MYH3: variants seen among roughly 807,000 people sequenced by gnomAD.
MYH3 encodes myosin-3.
A neutral mutation model predicts 238.0 loss-of-function variants in MYH3; 130 were observed. The observed-to-expected ratio is 0.55, with a 90% CI of 0.47 to 0.63. The LOEUF (loss-of-function observed/expected upper bound fraction) is 0.63, where lower values mean the gene tolerates loss of function less well. Among genes scored for constraint, MYH3 ranks in the 30% least tolerant of loss-of-function variants. The pLI, the probability that MYH3 is intolerant of heterozygous loss-of-function variation, is 0.00. For missense variants in MYH3, 1,853 were observed against 2,374.9 expected (o/e 0.78, Z 4.57); for synonymous variants, 880 against 924.1 (o/e 0.95, Z 0.86).
chr17:10,638,811 G>A (rs1042489540), intron 26 of MYH3, 62 bp downstream of exon 26: 6 of 1,528,880 alleles, frequency 3.9e-6, no homozygotes, highest in Non-Finnish European at 5.4e-6. Flanking sequence ...GCTTATAGCA[G>A]ACAGCACCCA....
At chr17:10,668,076 T>TA in the MYH3 span, among the ~76,000 whole-genome samples, 1 of 152,180 alleles carries the variant, frequency 6.6e-6, no homozygotes, top group Non-Finnish European at 1.5e-5. Context: ...TGTACATTCT[T>TA]AGTGAGATAT....
In MYH3 at chr17:10,654,194, T is replaced by C. The variant is rs530698786; in HGVS notation, c.204+667A>G. Among the ~76,000 whole-genome samples, 1 of 150,690 alleles carries C rather than the reference T, an allele frequency of 6.6e-6. No individual in the cohort carries two copies. Among genetic ancestry groups the C allele is most frequent in the East Asian group, 1.9e-4 (1 of 5,178 alleles). Reference sequence around the variant, plus strand: ...CCTTCCTTGCTTTCTTTCTTCCTTCTTTCTTTCCTTCCTTCCTTCCCTCCA... The same window carrying C: ...CCTTCCTTGCTTTCTTTCTTCCTTCCTTCTTTCCTTCCTTCCTTCCCTCCA... On this transcript the variant is annotated intron_variant, in intron 3 of 40. Coordinates refer to ENST00000583535, the MANE Select transcript of MYH3 (RefSeq NM_002470.4). This position sits in a 1 kb window ranked among gnomAD's most constrained non-coding sequence, Gnocchi z 4.5.
upstream of MYH3, among the ~76,000 whole-genome samples, chr17:10,657,778 C>T (rs1373153611): frequency 6.6e-6 from 1 of 152,186 alleles, no homozygotes; most frequent in Non-Finnish European, 1.5e-5. Flanking sequence ...GATTTTATCA[C>T]AACCTTGGGT....
At chr17:10,649,001 A>C (rs940851529) in intron 7 of MYH3, among the ~76,000 whole-genome samples, 8 of 152,072 alleles carry the variant, frequency 5.3e-5, no homozygotes, top group Admixed American at 5.2e-4. Context: ...TAAGCCACAG[A>C]ATGACAGTAA....
rs199619639 is a variant in MYH3, at chr17:10,629,585, T to C, written c.5796+12A>G. 312 of 1,612,632 alleles carry C rather than the reference T, an allele frequency of 1.9e-4. 3 individuals carry two copies. In the Middle Eastern group the frequency reaches 2.1e-3, roughly 11 times the overall value. On this transcript the variant is annotated intron_variant, in intron 40 of 40. Transcript: ENST00000583535. ...TCCCTGGGGGGGGGCTCCTCCCAGCTCAGCGACTCACCCTGCTGGAGGTGA... is the reference window on the plus strand; with the variant it reads ...TCCCTGGGGGGGGGCTCCTCCCAGCCCAGCGACTCACCCTGCTGGAGGTGA...
chr17:10,649,809 A>C, intron 6 of MYH3, 124 bp from the exon 7 acceptor site: 1 of 867,402 alleles, frequency 1.2e-6, no homozygotes, highest in Non-Finnish European at 1.9e-6. Context: ...CACCACACTA[A>C]TGTGACAGAC....
Position 10,644,421 on chromosome 17 carries a change from T to C in MYH3, c.1340A>G (p.Gln447Arg). The change falls in exon 14 of 41, where the codon CAA becomes CGA. Residue 447 changes from glutamine to arginine, a missense_variant. Coordinates refer to ENST00000583535, the MANE Select transcript of MYH3 (RefSeq NM_002470.4). ...FLWMVTRINQQLDTKLPRQHF... is the reference protein window; with the variant it reads ...FLWMVTRINQRLDTKLPRQHF... ...TTGTCTTGGAAGCTTCGTATCCAGT[T>C]GCTGGTTAATGCGAGTGACCATCCA... 1 of 1,614,044 alleles carries C rather than the reference T, an allele frequency of 6.2e-7. No individual in the cohort carries two copies. Among genetic ancestry groups the C allele is most frequent in the Non-Finnish European group, 8.5e-7 (1 of 1,179,876 alleles).
Position 10,654,947 on chromosome 17 carries a change from C to G in MYH3, c.118G>C (p.Val40Leu). The G allele has an allele frequency of 6.2e-7, 1 of 1,614,180 alleles. No individual in the cohort carries two copies. Reference protein sequence around the residue: ...QPFDAKTYCFVVDSKEEYAKG... With the variant: ...QPFDAKTYCFLVDSKEEYAKG... ...GCATATTCTTCCTTTGAGTCCACCA[C>G]GAAGCAATACGTCTTGGCATCAAAG... Residue 40 changes from valine to leucine, a missense_variant, in exon 3 of 41, where the codon GTG becomes CTG. This residue lies in a region of MYH3 where 131 missense variants were observed against 123.5 expected (regional missense o/e 1.06). Coordinates refer to ENST00000583535, the MANE Select transcript of MYH3 (RefSeq NM_002470.4). The surrounding 1 kb of genome is among the most constrained non-coding windows in gnomAD (Gnocchi z 4.5).
intron 8 of MYH3, 142 bp from the exon 9 acceptor site, chr17:10,647,568 C>A: frequency 2.2e-6 from 2 of 895,792 alleles, no homozygotes; most frequent in Non-Finnish European, 3.5e-6. Flanking sequence ...GTTTTTGAGA[C>A]GGAGTCTCGC....
At chr17:10,672,929 A>ATT in the MYH3 span, 1 of 152,192 alleles carries the variant, frequency 6.6e-6, no homozygotes, top group South Asian at 2.1e-4. Flanking sequence ...AACACTCAAA[A>ATT]GAGAGTTGAA....
At chr17:10,636,335 T>G (rs1025311458) in intron 28 of MYH3, among the ~76,000 whole-genome samples, 1 of 142,510 alleles carries the variant, frequency 7.0e-6, no homozygotes, top group Non-Finnish European at 1.5e-5. Context: ...TACTGGAAGG[T>G]GGGACTGATG....
In MYH3 at chr17:10,642,586, C is replaced by T; in HGVS notation, c.1719G>A (p.Arg573=). The T allele has an allele frequency of 1.9e-6, 3 of 1,614,170 alleles. No homozygotes were observed. Among genetic ancestry groups the T allele is most frequent in the Non-Finnish European group, 2.5e-6 (3 of 1,180,036 alleles). ...GGATCAGTGAGAAGTGAGCCTCGGC[C>T]CTGCCTTTGACCACCTTGGGCTTCT... ...NFQKPKVVKG[R]AEAHFSLIHY... Residue 573 remains arginine (R), a synonymous_variant, in exon 16 of 41, where the codon AGG becomes AGA. Transcript: ENST00000583535. The surrounding 1 kb of genome is among the most constrained non-coding windows in gnomAD (Gnocchi z 5.4).
At chr17:10,639,222 A>T (rs2074246025) in intron 24 of MYH3, 33 bp from the exon 25 acceptor site, 1 of 1,614,196 alleles carries the variant, frequency 6.2e-7, no homozygotes, top group Non-Finnish European at 8.5e-7. Flanking sequence ...TTGGGAACAA[A>T]TGCTTTGCAA....
Position 10,631,842 on chromosome 17 carries a change from T to C in MYH3, c.5131A>G (p.Asn1711Asp), listed in dbSNP as rs755803936. ...GTATGCAGCAGCTGCACCCTCTCGTTGGAGTCCAGGAGCTCCTGTTCCGCC... is the reference window on the plus strand; with the variant it reads ...GTATGCAGCAGCTGCACCCTCTCGTCGGAGTCCAGGAGCTCCTGTTCCGCC... Reference protein sequence around the residue: ...KLAEQELLDSNERVQLLHTQN... With the variant: ...KLAEQELLDSDERVQLLHTQN... The change falls in exon 35 of 41, where the codon AAC (asparagine) becomes GAC (aspartate). Residue 1711 changes from asparagine to aspartate, a missense_variant. Physicochemically the swap from Asn to Asp is conservative, Grantham distance 23 (BLOSUM62 1). Around this residue, in one of 3 missense-constraint regions of MYH3, gnomAD observed 1,044 missense variants for 1,192.6 expected, o/e 0.88. Coordinates refer to ENST00000583535, the MANE Select transcript of MYH3 (RefSeq NM_002470.4). The C allele has an allele frequency of 6.2e-7, 1 of 1,614,162 alleles. No homozygotes were observed. Among genetic ancestry groups the C allele is most frequent in the Non-Finnish European group, 8.5e-7 (1 of 1,180,020 alleles).
At chr17:10,665,358 G>A in the MYH3 span, among the ~76,000 whole-genome samples, 3 of 152,086 alleles carry the variant, frequency 2.0e-5, no homozygotes, top group African/African-American at 4.8e-5. Context: ...GGTCAGGCTG[G>A]TCTTGAACTC....
chr17:10,656,997 G>A (rs964715080), intron 1 of MYH3, among the ~76,000 whole-genome samples: 1 of 152,154 alleles, frequency 6.6e-6, no homozygotes, highest in Admixed American at 6.5e-5. Context: ...CATCCAAAAG[G>A]ATCCTGCCCA....
At position 10,641,141 on chromosome 17, in the gene MYH3, G is replaced by C; in HGVS notation, c.2109C>G (p.Ile703Met). ...TTGGGAACCCTTTCCTGCAGATGCG[G>C]ATGCCCTCCAGGACACCGTTACACC... The part of the protein sequence containing the change: ...QLRCNGVLEG[I>M]RICRKGFPNR... The change falls in exon 19 of 41, where the codon ATC becomes ATG. Residue 703 changes from isoleucine to methionine, a missense_variant. This residue lies in a region of MYH3 where 678 missense variants were observed against 1,058.9 expected (regional missense o/e 0.64). Coordinates refer to ENST00000583535, the MANE Select transcript of MYH3 (RefSeq NM_002470.4). 1 of 1,613,930 alleles carries C rather than the reference G, an allele frequency of 6.2e-7. No homozygotes were observed. Among genetic ancestry groups the C allele is most frequent in the Non-Finnish European group, 8.5e-7 (1 of 1,180,026 alleles).
At position 10,628,663 on chromosome 17, in the gene MYH3, C is replaced by G. The variant is rs2074117554; in HGVS notation, c.5813G>C (p.Ser1938Thr). 3 of 1,614,198 alleles carry G rather than the reference C, an allele frequency of 1.9e-6. No homozygotes were observed. The highest frequency in any genetic ancestry group is 2.5e-6 in the Non-Finnish European group (3 of 1,180,028). ...TCCAGAAGGGCTGGCTCACTCTTCA[C>G]TCTCGTGGACCACCATCTAGGAAGA... ...FTSSRMVVHE[S>T]EE The change falls in exon 41 of 41, where the codon AGT becomes ACT. Residue 1938 changes from serine to threonine, a missense_variant. This residue lies in a region of MYH3 where 1,044 missense variants were observed against 1,192.6 expected (regional missense o/e 0.88). Transcript: ENST00000583535.
At chr17:10,661,209 T>A (rs1016431913), upstream of MYH3, among the ~76,000 whole-genome samples, 10 of 140,674 alleles carry the variant, frequency 7.1e-5, no homozygotes, top group African/African-American at 2.7e-4. Flanking sequence ...ACTCCTGACC[T>A]CAGGTGATCT....
Sources: allele counts gnomAD v4.1 joint callset (sites outside exome capture counted in the v4.1 genomes callset), GRCh38; gene constraint gnomAD v4.1.1; regional missense constraint gnomAD v4.1.1; non-coding constraint Gnocchi (gnomAD v3.1); transcripts MANE v1.5; gene names NCBI Gene and HGNC (gene_info 2026-07-23, HGNC 2026-07-21).